Variants in ERBB4 observed in about 807,000 individuals in gnomAD.
ERBB4 encodes the protein erb-b2 receptor tyrosine kinase 4.
In ERBB4, 42 loss-of-function variants were observed where a neutral mutation model predicts 158.0. That is an observed-to-expected ratio of 0.27 (90% CI 0.21 to 0.34). The LOEUF is 0.34. Among genes scored for constraint, ERBB4 ranks in the 10% least tolerant of loss-of-function variants. ERBB4 has a pLI of 1.00. For synonymous variants in ERBB4, 583 were observed against 558.7 expected, an observed-to-expected ratio of 1.04 and a Z score of -0.61; for missense variants, 1,333 against 1,624.1, an observed-to-expected ratio of 0.82 and a Z score of 3.08.
intron 2 of ERBB4, among the ~76,000 whole-genome samples, chr2:212,121,442 A>G (rs1180892264): frequency 2.0e-5 from 3 of 152,094 alleles, no homozygotes; most frequent in African/African-American, 7.2e-5. Flanking sequence ...CAAACTCCTC[A>G]AGTGATCTGC....
At chr2:211,635,695 T>C (rs1488415114) in intron 16 of ERBB4, among the ~76,000 whole-genome samples, 1 of 152,162 alleles carries the variant, frequency 6.6e-6, no homozygotes, top group Non-Finnish European at 1.5e-5. Flanking sequence ...TTTAATGTTA[T>C]AAGGACTGGC....
intron 1 of ERBB4, among the ~76,000 whole-genome samples, chr2:212,254,563 A>G (rs140786926): frequency 5.3e-4 from 80 of 152,286 alleles, no homozygotes; most frequent in African/African-American, 1.9e-3. Context: ...TCAGGGCAGT[A>G]ATATCCAGGC....
chr2:211,910,069 A>C (rs1023451152), intron 3 of ERBB4, among the ~76,000 whole-genome samples: 7 of 151,210 alleles, frequency 4.6e-5, no homozygotes, highest in Non-Finnish European at 1.5e-5. Context: ...ACAGGCATGC[A>C]CCACCATGGC....
At chr2:211,504,021 G>A (rs2065681865) in intron 20 of ERBB4, among the ~76,000 whole-genome samples, 1 of 152,034 alleles carries the variant, frequency 6.6e-6, no homozygotes, top group Non-Finnish European at 1.5e-5. Flanking sequence ...CACTGCAATT[G>A]CCTCTCACCT....
At chr2:211,926,455 T>C (rs1347958474) in intron 3 of ERBB4, among the ~76,000 whole-genome samples, 1 of 152,166 alleles carries the variant, frequency 6.6e-6, no homozygotes, top group African/African-American at 2.4e-5. Flanking sequence ...GTAGGTTGAA[T>C]GGTACCTGTG....
intron 1 of ERBB4, among the ~76,000 whole-genome samples, chr2:212,207,467 C>T (rs927027863): frequency 6.6e-6 from 1 of 152,130 alleles, no homozygotes; most frequent in Non-Finnish European, 1.5e-5. Flanking sequence ...TCGCCATGTG[C>T]TACACAACAT....
Position 211,824,631 on chromosome 2 carries a change from A to C in ERBB4, c.422-36472T>G, listed in dbSNP as rs188429744. Among the ~76,000 whole-genome samples the C allele has an allele frequency of 2.6e-5, 4 of 152,030 alleles. No homozygotes were observed. In the East Asian group the frequency reaches 5.8e-4, roughly 22 times the overall value. ...TTTACCTAAGTAGAATAGATTATTT[A>C]CATGTATTATAATAGAAGGAATATA... On this transcript the variant is annotated intron_variant, in intron 3 of 27. Coordinates refer to ENST00000342788, the MANE Select transcript of ERBB4 (RefSeq NM_005235.3).
intron 1 of ERBB4, among the ~76,000 whole-genome samples, chr2:212,242,656 T>C (rs2084153043): frequency 6.6e-6 from 1 of 152,126 alleles, no homozygotes; most frequent in African/African-American, 2.4e-5. Flanking sequence ...TTATAGCATG[T>C]TACCATGAGT....
intron 3 of ERBB4, among the ~76,000 whole-genome samples, chr2:211,873,354 GA>G (rs2078402339): frequency 6.7e-6 from 1 of 150,162 alleles, no homozygotes; most frequent in African/African-American, 2.4e-5. Flanking sequence ...TGCAATCTCA[GA>G]GAAGCCTTTT....
intron 2 of ERBB4, among the ~76,000 whole-genome samples, chr2:212,001,410 G>T (rs372920305): frequency 3.3e-5 from 5 of 152,124 alleles, no homozygotes; most frequent in African/African-American, 1.2e-4. Context: ...GATTTTATAG[G>T]GTGTTATACT....
intron 20 of ERBB4, among the ~76,000 whole-genome samples, chr2:211,448,816 T>C (rs1431061370): frequency 1.3e-5 from 2 of 152,210 alleles, no homozygotes; most frequent in Admixed American, 1.3e-4. Flanking sequence ...ATGCATCTTC[T>C]TTCTATTGAG....
chr2:212,025,916 CAG>C (rs910790476), intron 2 of ERBB4, among the ~76,000 whole-genome samples: 13 of 151,742 alleles, frequency 8.6e-5, no homozygotes, highest in African/African-American at 1.7e-4. Context: ...TTATGTGACT[CAG>C]GGCAAATCTC....
intron 1 of ERBB4, among the ~76,000 whole-genome samples, chr2:212,344,237 G>C (rs1463388849): frequency 6.6e-6 from 1 of 152,054 alleles, no homozygotes; most frequent in Non-Finnish European, 1.5e-5. Context: ...GACATCATGG[G>C]GCTGGATAAT....
At chr2:212,435,932 T>C (rs2092126235) in intron 1 of ERBB4, among the ~76,000 whole-genome samples, 3 of 151,812 alleles carry the variant, frequency 2.0e-5, no homozygotes, top group African/African-American at 4.8e-5. Flanking sequence ...ATAATAATCC[T>C]TTGGTGTGTC....
At chr2:211,415,612 A>AGT (rs1474966897) in intron 25 of ERBB4, among the ~76,000 whole-genome samples, 1 of 152,160 alleles carries the variant, frequency 6.6e-6, no homozygotes. Context: ...GGTTAATTAC[A>AGT]GTGTGTGTGG....
intron 1 of ERBB4, among the ~76,000 whole-genome samples, chr2:212,496,458 G>T (rs999450125): frequency 2.0e-5 from 3 of 152,034 alleles, no homozygotes; most frequent in African/African-American, 7.2e-5. Flanking sequence ...TATTAAAAAA[G>T]TAGACTCTGA....
Position 212,538,606 on chromosome 2 carries a change from G to C in ERBB4, c.-76C>G. The stretch of plus-strand genomic sequence containing the variant: ...ATCCCCCTTTCGGGCACGCGGAGGA[G>C]ATCCCCCAGCCGGGCGCGCGTGGGG... On this transcript the variant is annotated 5_prime_UTR_variant, in exon 1 of 28. The change creates a new upstream start codon in the 5' untranslated region. Coordinates refer to ENST00000342788, the MANE Select transcript of ERBB4 (RefSeq NM_005235.3). 1 of 1,463,980 alleles carries C rather than the reference G, an allele frequency of 6.8e-7. No homozygotes were observed. The highest frequency in any genetic ancestry group is 1.1e-5 in the South Asian group (1 of 88,052). The allele number at this position is 1,463,980 out of a possible 1,614,324, so 90.7% of individuals were successfully genotyped here. A position where few individuals can be genotyped will look rare whatever the true frequency, so the allele number is the denominator to read the frequency against.
chr2:212,105,041 A>C (rs1340984317), intron 2 of ERBB4, among the ~76,000 whole-genome samples: 2 of 152,102 alleles, frequency 1.3e-5, no homozygotes, highest in African/African-American at 4.8e-5. Context: ...TCTCAAAAAA[A>C]ACCTGGGGAC....
chr2:211,383,507 G>T lies in ERBB4; in HGVS notation c.*108C>A. The T allele has an allele frequency of 1.2e-6, 1 of 837,724 alleles. No individual in the cohort carries two copies. The allele number at this position is 837,724 out of a possible 1,614,324, so 51.9% of individuals were successfully genotyped here. A position where few individuals can be genotyped will look rare whatever the true frequency, so the allele number is the denominator to read the frequency against. On this transcript the variant is annotated 3_prime_UTR_variant, in exon 28 of 28. Coordinates refer to ENST00000342788, the MANE Select transcript of ERBB4 (RefSeq NM_005235.3). ...GCATCTCTGTATCTTCCACTGGGAA[G>T]TGTCAAAACTACTGGCCTTGGGGTA...
Sources: gnomAD v4.1 joint callset for allele counts (sites outside exome capture counted in the v4.1 genomes callset) on GRCh38, gnomAD v4.1.1 for gene constraint, MANE v1.5 for transcripts, NCBI Gene and HGNC (gene_info 2026-07-23, HGNC 2026-07-21) for gene names.